The following UBE2W variants were observed in gnomAD, a reference collection of about 807,000 sequenced individuals.
The protein encoded by UBE2W is ubiquitin conjugating enzyme E2 W, also known as ubiquitin-conjugating enzyme E2 W.
In UBE2W, 18 loss-of-function variants were observed where a neutral mutation model predicts 27.2. That is an observed-to-expected ratio of 0.66 (90% confidence interval 0.46 to 0.98). UBE2W has a LOEUF of 0.98. UBE2W is among the 50% of genes least tolerant of loss of function. The pLI is 0.00. For missense variants in UBE2W, 90 were observed against 180.2 expected (o/e 0.50, Z 2.87); for synonymous variants, 53 against 57.2 (o/e 0.93, Z 0.33).
At position 73,791,217 on chromosome 8, in the gene UBE2W, A is replaced by C; in HGVS notation, c.*2885T>G. 1.0e-6 allele frequency: 1 copy of C among 984,716 alleles called. No homozygotes were observed. The highest frequency in any genetic ancestry group is 1.2e-6 in the Non-Finnish European group (1 of 829,512). 61.0% of individuals were successfully genotyped at this position (984,716 alleles called of 1,614,324 possible). A position where few individuals can be genotyped will look rare whatever the true frequency, so the allele number is the denominator to read the frequency against. On this transcript the variant is annotated 3_prime_UTR_variant, in exon 6 of 6. Transcript: ENST00000602593. Reference sequence around the variant, plus strand: ...TTTTAAAAAATTCTCTTAAAAACTGAAAACAATCCTTCTCTCTAAACCTAT... The same window carrying C: ...TTTTAAAAAATTCTCTTAAAAACTGCAAACAATCCTTCTCTCTAAACCTAT...
At chr8:73,850,216 C>T (rs1045427532) in intron 1 of UBE2W, among the ~76,000 whole-genome samples, 10 of 152,112 alleles carry the variant, frequency 6.6e-5, no homozygotes, top group African/African-American at 9.7e-5. Flanking sequence ...ATAATAGAAC[C>T]ATAAGGAGTA....
intron 1 of UBE2W, among the ~76,000 whole-genome samples, chr8:73,853,970 A>T (rs1811181129): frequency 6.6e-6 from 1 of 151,998 alleles, no homozygotes. Context: ...GCAACATAGT[A>T]AGACCCCCAT....
intron 1 of UBE2W, among the ~76,000 whole-genome samples, chr8:73,866,440 C>T (rs1811777841): frequency 6.6e-6 from 1 of 150,752 alleles, no homozygotes; most frequent in African/African-American, 2.4e-5. Flanking sequence ...TTGATACTAT[C>T]AAACCTGATG....
intron 4 of UBE2W, among the ~76,000 whole-genome samples, chr8:73,809,910 T>A (rs1809079717): frequency 1.3e-5 from 2 of 151,794 alleles, no homozygotes; most frequent in Non-Finnish European, 2.9e-5. Context: ...TGATTTTTTT[T>A]CTTTTTGTTT....
intron 1 of UBE2W, among the ~76,000 whole-genome samples, chr8:73,856,949 C>T (rs914628059): frequency 6.6e-5 from 10 of 151,780 alleles, no homozygotes; most frequent in Non-Finnish European, 8.8e-5. Context: ...TCAAGTGATC[C>T]GCCCACCTTG....
At position 73,788,622 on chromosome 8, in the gene UBE2W, G is replaced by A. The variant is rs1808062851; in HGVS notation, c.*5480C>T. Reference sequence around the variant, plus strand: ...TTCAGGCTTTAAATTGTAAGTTTCAGGCTTCAAAAGAGGCAGGATTATTAA... The same window carrying A: ...TTCAGGCTTTAAATTGTAAGTTTCAAGCTTCAAAAGAGGCAGGATTATTAA... On this transcript the variant is annotated 3_prime_UTR_variant, in exon 6 of 6. Coordinates refer to ENST00000602593, the MANE Select transcript of UBE2W (RefSeq NM_018299.6). The A allele has an allele frequency of 2.0e-6, 2 of 985,374 alleles. No homozygotes were observed. Among genetic ancestry groups the A allele is most frequent in the Non-Finnish European group, 2.4e-6 (2 of 829,932 alleles). 61.0% of individuals were successfully genotyped at this position (985,374 alleles called of 1,614,324 possible).
At chr8:73,848,626 A>G (rs1292397259) in intron 1 of UBE2W, among the ~76,000 whole-genome samples, 1 of 152,196 alleles carries the variant, frequency 6.6e-6, no homozygotes, top group Non-Finnish European at 1.5e-5. Flanking sequence ...TAGGAATTGG[A>G]GGCTGCCGTG....
At position 73,792,759 on chromosome 8, in the gene UBE2W, C is replaced by T; in HGVS notation, c.*1343G>A. ...GAACTTAGTTGTAGTATCATTAACT[C>T]ACATGGTACTGAGAACTGGACCTTT... is the stretch of plus-strand genomic sequence containing the variant. On this transcript the variant is annotated 3_prime_UTR_variant, in exon 6 of 6. Transcript: ENST00000602593. The T allele has an allele frequency of 6.1e-6, 6 of 985,442 alleles. No homozygotes were observed. The highest frequency in any genetic ancestry group is 4.7e-5 in the South Asian group (1 of 21,278). 61.0% of individuals were successfully genotyped at this position (985,442 alleles called of 1,614,324 possible).
intron 1 of UBE2W, among the ~76,000 whole-genome samples, chr8:73,862,118 A>G (rs1811556383): frequency 6.6e-6 from 1 of 152,180 alleles, no homozygotes; most frequent in Non-Finnish European, 1.5e-5. Flanking sequence ...ACGAGTCTAC[A>G]ACTTTGGCTG....
intron 1 of UBE2W, among the ~76,000 whole-genome samples, chr8:73,857,988 G>A (rs1170185391): frequency 6.6e-6 from 1 of 152,086 alleles, no homozygotes; most frequent in Non-Finnish European, 1.5e-5. Context: ...ACTTTGGAAG[G>A]CTAAGGCAGG....
chr8:73,878,236 C>A (rs931836873), intron 1 of UBE2W, among the ~76,000 whole-genome samples: 2 of 152,180 alleles, frequency 1.3e-5, no homozygotes, highest in African/African-American at 4.8e-5. Context: ...CCCACGGGCA[C>A]AGGATTAAGA....
chr8:73,785,345 T>C (rs1182939311), downstream of UBE2W, among the ~76,000 whole-genome samples: 1 of 152,118 alleles, frequency 6.6e-6, no homozygotes, highest in African/African-American at 2.4e-5. Flanking sequence ...GGTTTCTCCA[T>C]GTTGGCCAGG....
chr8:73,864,024 C>G (rs892812098), intron 1 of UBE2W, among the ~76,000 whole-genome samples: 6 of 151,732 alleles, frequency 4.0e-5, no homozygotes, highest in Non-Finnish European at 8.8e-5. Context: ...AACAAGAAAC[C>G]TGGATGTAGC....
At chr8:73,842,572 G>A (rs1810587873) in intron 1 of UBE2W, among the ~76,000 whole-genome samples, 1 of 141,252 alleles carries the variant, frequency 7.1e-6, no homozygotes, top group Non-Finnish European at 1.5e-5. Flanking sequence ...ACGTGGACGT[G>A]AGTACTGACA....
At chr8:73,862,533 C>T (rs202013050) in intron 1 of UBE2W, among the ~76,000 whole-genome samples, 1 of 150,064 alleles carries the variant, frequency 6.7e-6, no homozygotes, top group Non-Finnish European at 1.5e-5. Flanking sequence ...ACTTCATGTC[C>T]AAAACACCAA....
intron 1 of UBE2W, among the ~76,000 whole-genome samples, chr8:73,856,357 A>ATTTTTTTTTTTTT (rs34593904): frequency 2.2e-5 from 2 of 89,344 alleles, no homozygotes; most frequent in Non-Finnish European, 2.0e-5. Flanking sequence ...ACACTTATGA[A>ATTTTTTTTTTTTT]TTTTTTTTTT....
At position 73,790,579 on chromosome 8, in the gene UBE2W, A is replaced by C; in HGVS notation, c.*3523T>G. 2 of 985,022 alleles carry C rather than the reference A, an allele frequency of 2.0e-6. No individual in the cohort carries two copies. The highest frequency in any genetic ancestry group is 2.4e-6 in the Non-Finnish European group (2 of 829,528). 61.0% of individuals were successfully genotyped at this position (985,022 alleles called of 1,614,324 possible). A position where few individuals can be genotyped will look rare whatever the true frequency, so the allele number is the denominator to read the frequency against. ...AAATTAATGAAAGTGAGATCAAGAA[A>C]TATAAGCAGCAGTAACCATAAAGGC... On this transcript the variant is annotated 3_prime_UTR_variant, in exon 6 of 6. Coordinates refer to ENST00000602593, the MANE Select transcript of UBE2W (RefSeq NM_018299.6).
Position 73,790,820 on chromosome 8 carries a change from C to G in UBE2W, c.*3282G>C. ...TATCACTACTCATTTCCATTATTTA[C>G]CAATTCATCTTTGATGCAACTTGGA... On this transcript the variant is annotated 3_prime_UTR_variant, in exon 6 of 6. Transcript: ENST00000602593. 1 of 984,822 alleles carries G rather than the reference C, an allele frequency of 1.0e-6. No homozygotes were observed. The highest frequency in any genetic ancestry group is 1.7e-5 in the African/African-American group (1 of 57,318). The allele number at this position is 984,822 out of a possible 1,614,324, so 61.0% of individuals were successfully genotyped here. A position where few individuals can be genotyped will look rare whatever the true frequency, so the allele number is the denominator to read the frequency against.
At chr8:73,840,259 T>C (rs1431825254) in intron 1 of UBE2W, among the ~76,000 whole-genome samples, 3 of 152,040 alleles carry the variant, frequency 2.0e-5, no homozygotes, top group Admixed American at 6.6e-5. Flanking sequence ...GGTTTCACCA[T>C]GTTAGCCGGG....
Sources: gnomAD v4.1 joint callset for allele counts (sites outside exome capture counted in the v4.1 genomes callset) on GRCh38, gnomAD v4.1.1 for gene constraint, MANE v1.5 for transcripts, NCBI Gene and HGNC (gene_info 2026-07-23, HGNC 2026-07-21) for gene names.